Variants in WDR64 observed in about 807,000 individuals in gnomAD.
The protein encoded by WDR64 is WD repeat-containing protein 64.
Under a neutral mutation model 139.3 loss-of-function variants are expected in WDR64, and 112 were observed. That is an observed-to-expected ratio of 0.80 (90% CI 0.69 to 0.94). The LOEUF (loss-of-function observed/expected upper bound fraction) is 0.94, where lower values mean the gene tolerates loss of function less well. Among genes scored for constraint, WDR64 ranks in the 40% least tolerant of loss-of-function variants. WDR64 has a pLI of 0.00. For synonymous variants in WDR64, 444 were observed against 437.7 expected (o/e 1.01, Z -0.18); for missense variants, 1,206 against 1,293.1 (o/e 0.93, Z 1.03).
intron 18 of WDR64, 93 bp downstream of exon 18, chr1:241,770,783 T>C: frequency 8.5e-7 from 1 of 1,180,824 alleles, no homozygotes; most frequent in Non-Finnish European, 1.2e-6. Flanking sequence ...CCTCCTTTGA[T>C]AGAAGGTAAC....
rs550563483 is a variant in WDR64, at chr1:241,653,404, A to C, written c.145+775A>C. ...ATCTTGACTTTGGGTGTTCAAACCC[A>C]AGCTGGTATTAATTGAATAGTATTT... On this transcript the variant is annotated intron_variant, in intron 1 of 27. Transcript: ENST00000437684. Among the ~76,000 whole-genome samples the C allele has an allele frequency of 9.8e-5, 15 of 152,334 alleles. 1 individual carries two copies. The South Asian group carries it at 2.9e-3, about 29-fold the overall frequency.
intron 3 of WDR64, among the ~76,000 whole-genome samples, chr1:241,674,129 A>G (rs978900390): frequency 2.0e-5 from 3 of 152,048 alleles, no homozygotes; most frequent in African/African-American, 7.2e-5. Context: ...AGCTCTATAT[A>G]TGCAAATTAG....
intron 6 of WDR64, among the ~76,000 whole-genome samples, chr1:241,682,987 G>A (rs915194248): frequency 2.6e-5 from 4 of 152,172 alleles, no homozygotes; most frequent in African/African-American, 9.7e-5. Flanking sequence ...AGCAATAGCT[G>A]TATAGCTTAG....
At chr1:241,758,852 T>A (rs781424363) in intron 15 of WDR64, among the ~76,000 whole-genome samples, 45 of 152,172 alleles carry the variant, frequency 3.0e-4, no homozygotes, top group Non-Finnish European at 5.9e-4. Flanking sequence ...GGAAATAGTA[T>A]TTTAAAAAAC....
intron 2 of WDR64, among the ~76,000 whole-genome samples, chr1:241,667,834 C>A (rs942801825): frequency 3.3e-5 from 5 of 152,210 alleles, no homozygotes; most frequent in African/African-American, 1.2e-4. Context: ...ACTGAACTGA[C>A]AGCCAATAAG....
intron 2 of WDR64, among the ~76,000 whole-genome samples, chr1:241,664,925 G>A (rs1056814500): frequency 3.3e-5 from 5 of 152,098 alleles, no homozygotes; most frequent in South Asian, 2.1e-4. Context: ...GGCCAGGTGC[G>A]GTGTCTAATG....
intron 10 of WDR64, among the ~76,000 whole-genome samples, chr1:241,731,950 A>G (rs751415571): frequency 6.6e-6 from 1 of 152,192 alleles, no homozygotes; most frequent in Non-Finnish European, 1.5e-5. Flanking sequence ...TGTCATACAT[A>G]CCCTGATTTT....
rs80163576 is a variant in WDR64 at position 241,662,843 on chromosome 1, T to C, written c.276+2183T>C. On this transcript the variant is annotated intron_variant, in intron 2 of 27. Coordinates refer to ENST00000437684, the MANE Select transcript of WDR64 (RefSeq NM_001367482.1). ...GAAAAGGATGCCTATTCACCACTAA[T>C]CTTCGACACTTTATTGGAGGTTGTA... 1.9e-4 allele frequency among the ~76,000 whole-genome samples: 29 copies of C among 152,196 alleles called. No individual in the cohort carries two copies. The East Asian group carries it at 5.4e-3, about 28-fold the overall frequency.
intron 1 of WDR64, 48 bp from the exon 2 acceptor site, chr1:241,660,482 G>T (rs952721677): frequency 3.3e-6 from 5 of 1,534,952 alleles, no homozygotes; most frequent in Non-Finnish European, 4.4e-6. Flanking sequence ...AATACAAAAG[G>T]TAGTCCTTGG....
chr1:241,703,882 C>T lies in WDR64; in HGVS notation c.975-7920C>T, dbSNP rs1667835729. On this transcript the variant is annotated intron_variant, in intron 8 of 27. Coordinates refer to ENST00000437684, the MANE Select transcript of WDR64 (RefSeq NM_001367482.1). This position sits in a 1 kb window ranked among gnomAD's most constrained non-coding sequence, Gnocchi z 5.9. ...GAGAGAAAAGTGAGCAAAAGAGGAA[C>T]TTGCCAAACACTTATAAAATCATCA... Among the ~76,000 whole-genome samples, 1 of 152,126 alleles carries T rather than the reference C, an allele frequency of 6.6e-6. No individual in the cohort carries two copies. The highest frequency in any genetic ancestry group is 1.5e-5 in the Non-Finnish European group (1 of 68,024).
intron 23 of WDR64, 74 bp downstream of exon 23, chr1:241,783,455 G>C: frequency 1.8e-6 from 2 of 1,121,836 alleles, no homozygotes; most frequent in East Asian, 4.9e-5. Context: ...AGCTAAAGTT[G>C]AAGTATATAG....
At chr1:241,783,414 G>C in intron 23 of WDR64, 33 bp downstream of exon 23, 3 of 1,511,372 alleles carry the variant, frequency 2.0e-6, no homozygotes, top group Non-Finnish European at 2.7e-6. Context: ...TGTGAATTCA[G>C]TACTGTGAGC....
chr1:241,801,927 C>T lies in WDR64; in HGVS notation c.*712C>T, dbSNP rs1659537393. On this transcript the variant is annotated 3_prime_UTR_variant, in exon 28 of 28. Transcript: ENST00000437684. Reference sequence around the variant, plus strand: ...AGGTTGTCAGAATGGATTAAAAAAACAAAATCCAACTATATGTTGTTTACA... The same window carrying T: ...AGGTTGTCAGAATGGATTAAAAAAATAAAATCCAACTATATGTTGTTTACA... 2 of 397,388 alleles carry T rather than the reference C, an allele frequency of 5.0e-6. No homozygotes were observed. The highest frequency in any genetic ancestry group is 2.1e-5 in the African/African-American group (1 of 48,418). The allele number at this position is 397,388 out of a possible 1,614,324, so 24.6% of individuals were successfully genotyped here.
chr1:241,744,506 A>G lies in WDR64; in HGVS notation c.1584A>G (p.Gly528=). The G allele has an allele frequency of 6.2e-7, 1 of 1,613,974 alleles. No individual in the cohort carries two copies. Among genetic ancestry groups the G allele is most frequent in the East Asian group, 2.2e-5 (1 of 44,868 alleles). ...VDESGFLFAT[G]AYNGTVRIWD... is the part of the protein sequence containing the mutation. ...AAAGTGGATTTCTTTTTGCCACAGG[A>G]GCGTATAATGGTCAGACTAACATCC... Residue 528 remains glycine (G), a synonymous_variant, in exon 13 of 28, where the codon GGA becomes GGG. Coordinates refer to ENST00000437684, the MANE Select transcript of WDR64 (RefSeq NM_001367482.1).
At chr1:241,773,042 A>G (rs778186780) in intron 20 of WDR64, 111 bp downstream of exon 20, 185 of 1,287,496 alleles carry the variant, frequency 1.4e-4, no homozygotes, top group African/African-American at 2.7e-4. Flanking sequence ...TATTTTTTCA[A>G]CTTTCTAGCC....
chr1:241,757,269 G>C lies in WDR64; in HGVS notation c.1771-14G>C. The C allele has an allele frequency of 6.2e-7, 1 of 1,604,620 alleles. No homozygotes were observed. Among genetic ancestry groups the C allele is most frequent in the Non-Finnish European group, 8.5e-7 (1 of 1,176,324 alleles). On this transcript the variant is annotated splice_polypyrimidine_tract_variant and intron_variant, in intron 14 of 27. Transcript: ENST00000437684. ...AATTGAACTTTTCATGCACTCACTG[G>C]ATTTCTGTTAAAGGGTAAGGAAGAT...
At chr1:241,658,774 T>C (rs907736299) in intron 1 of WDR64, among the ~76,000 whole-genome samples, 8 of 152,180 alleles carry the variant, frequency 5.3e-5, no homozygotes, top group African/African-American at 1.9e-4. Context: ...TTTGCATTCC[T>C]GAACAAAACT....
At chr1:241,761,706 C>G (rs1040621078) in intron 15 of WDR64, among the ~76,000 whole-genome samples, 3 of 152,006 alleles carry the variant, frequency 2.0e-5, no homozygotes, top group Non-Finnish European at 2.9e-5. Context: ...TCTCTTAAAC[C>G]CTGCCTCTGC....
intron 25 of WDR64, among the ~76,000 whole-genome samples, chr1:241,791,905 C>G (rs1659226058): frequency 6.6e-6 from 1 of 152,092 alleles, no homozygotes; most frequent in South Asian, 2.1e-4. Context: ...TTCTTCAGTG[C>G]AGAATTAAGA....
Sources: allele counts gnomAD v4.1 joint callset (sites outside exome capture counted in the v4.1 genomes callset), GRCh38; gene constraint gnomAD v4.1.1; non-coding constraint Gnocchi (gnomAD v3.1); transcripts MANE v1.5; gene names NCBI Gene and HGNC (gene_info 2026-07-23, HGNC 2026-07-21).